Variants in CFAP221 observed in about 807,000 individuals in gnomAD.
CFAP221 encodes cilia and flagella associated protein 221.
In CFAP221, 97 loss-of-function variants were observed where a neutral mutation model predicts 113.1. That is an observed-to-expected ratio of 0.86 (90% CI 0.73 to 1.02). CFAP221 has a LOEUF of 1.02. Among genes scored for constraint, CFAP221 ranks in the 50% least tolerant of loss-of-function variants. The pLI, the probability that CFAP221 is intolerant of heterozygous loss-of-function variation, is 0.00. For missense variants in CFAP221, 1,025 were observed against 1,013.4 expected, an observed-to-expected ratio of 1.01 and a Z score of -0.16; for synonymous variants, 331 against 354.4, an observed-to-expected ratio of 0.93 and a Z score of 0.74.
rs1216434881 is a variant in CFAP221, at chr2:119,652,484, A to G, written c.2414+415A>G. ...TTTCCTCATCTGTAGCATGCAGAAA[A>G]TAAAATCTGTCTGTCACAGGGCAAA... On this transcript the variant is annotated intron_variant, in intron 23 of 23. Coordinates refer to ENST00000413369, the MANE Select transcript of CFAP221 (RefSeq NM_001271049.2). Among the ~76,000 whole-genome samples the G allele has an allele frequency of 2.6e-5, 4 of 152,196 alleles. No individual in the cohort carries two copies. The East Asian group carries it at 5.8e-4, about 22-fold the overall frequency.
intron 14 of CFAP221, 81 bp from the exon 15 acceptor site, chr2:119,625,502 T>G (rs1163249115): frequency 2.5e-6 from 3 of 1,207,774 alleles, no homozygotes; most frequent in Non-Finnish European, 3.6e-6. Flanking sequence ...TTAGTGTGGT[T>G]GGGGAAAGTG....
intron 3 of CFAP221, among the ~76,000 whole-genome samples, 155 bp downstream of exon 3, chr2:119,549,340 G>T (rs1425879194): frequency 6.6e-6 from 1 of 152,174 alleles, no homozygotes; most frequent in Non-Finnish European, 1.5e-5. Context: ...GAAACTTTAA[G>T]GTTGCATCAA....
intron 1 of CFAP221, 62 bp from the exon 2 acceptor site, chr2:119,546,019 CAAAG>C: frequency 1.7e-6 from 2 of 1,189,100 alleles, no homozygotes; most frequent in South Asian, 1.7e-5. Flanking sequence ...GTACATTTAT[CAAAG>C]AAAGAGAAAA....
chr2:119,624,936 G>A (rs1574165474), intron 14 of CFAP221, among the ~76,000 whole-genome samples: 2 of 152,016 alleles, frequency 1.3e-5, no homozygotes, highest in Admixed American at 6.6e-5. Context: ...GGGTTGATGG[G>A]TGTAGCAAAC....
At position 119,601,281 on chromosome 2, in the gene CFAP221, C is replaced by A. The variant is rs1157658208; in HGVS notation, c.695C>A (p.Thr232Asn). The A allele has an allele frequency of 1.4e-5, 21 of 1,535,752 alleles. No individual in the cohort carries two copies. In the South Asian group the frequency reaches 2.3e-4, roughly 17 times the overall value. The change falls in exon 8 of 24, where the codon ACT becomes AAT. Residue 232 changes from threonine (T) to asparagine (N), a missense_variant. Thr to Asn is a moderately conservative substitution (Grantham distance 65). Transcript: ENST00000413369. ...TIKFTPFQYG[T>N]AQIKMQLWIS... ...AAGTTTACACCCTTTCAGTATGGGA[C>A]TGCACAAATAAAAATGCAGTTATGG...
In CFAP221 at chr2:119,546,229, C is replaced by T. The variant is rs756281317; in HGVS notation, c.98C>T (p.Pro33Leu). The T allele has an allele frequency of 1.4e-5, 21 of 1,534,042 alleles. 1 individual carries two copies. In the South Asian group the frequency reaches 1.4e-4, roughly 10 times the overall value. The stretch of plus-strand genomic sequence containing the variant: ...CTCTTGAAGAACCTAGTGGAGGAGC[C>T]GAAAAAAAGAAAAGAAGTACCTAAT... ...PHLLKNLVEE[P>L]KKRKEVPNHL... Residue 33 changes from proline to leucine, a missense_variant, in exon 2 of 24, where the codon CCG (proline) becomes CTG (leucine). Transcript: ENST00000413369.
chr2:119,609,603 G>C (rs1239775884), intron 12 of CFAP221, among the ~76,000 whole-genome samples: 1 of 152,144 alleles, frequency 6.6e-6, no homozygotes, highest in Non-Finnish European at 1.5e-5. Flanking sequence ...GATTAAGACC[G>C]ACTCTCACAG....
At chr2:119,563,976 C>G (rs2104548897) in intron 6 of CFAP221, among the ~76,000 whole-genome samples, 1 of 152,316 alleles carries the variant, frequency 6.6e-6, no homozygotes, top group African/African-American at 2.4e-5. Flanking sequence ...TTTTAATCCA[C>G]TCAGTAGCTG....
intron 8 of CFAP221, among the ~76,000 whole-genome samples, chr2:119,603,231 C>T (rs894463502): frequency 4.6e-5 from 7 of 152,112 alleles, no homozygotes; most frequent in African/African-American, 1.7e-4. Flanking sequence ...TTTTCTTAGA[C>T]CTCTTCATTT....
Position 119,652,053 on chromosome 2 carries a change from G to A in CFAP221, c.2398G>A (p.Asp800Asn), listed in dbSNP as rs202012523. ...KVEFPMLNYK[D>N]IRKEKEVKDQ... ...GGAATTCCCTATGTTGAACTACAAG[G>A]ACATCAGGAAGGAGAAGTAAGTGGA... The change falls in exon 23 of 24, where the codon GAC (aspartate) becomes AAC (asparagine). Residue 800 changes from aspartate (D) to asparagine (N), a missense_variant. By Grantham distance (23) the Asp-to-Asn change is conservative. Transcript: ENST00000413369. The A allele has an allele frequency of 5.0e-6, 8 of 1,611,828 alleles. No homozygotes were observed. In the East Asian group the frequency reaches 1.8e-4, roughly 36 times the overall value.
At chr2:119,566,264 A>T (rs908981186) in intron 6 of CFAP221, among the ~76,000 whole-genome samples, 3 of 152,174 alleles carry the variant, frequency 2.0e-5, no homozygotes, top group African/African-American at 7.2e-5. Flanking sequence ...ATATTAAAGC[A>T]ATCAACTCTA....
chr2:119,615,817 ATAAAATTCACCCTTG>A (rs1685484282), intron 14 of CFAP221, 108 bp downstream of exon 14: 1 of 778,818 alleles, frequency 1.3e-6, no homozygotes, highest in South Asian at 2.1e-5. Flanking sequence ...TTTACACACC[ATAAAATTCACCCTTG>A]TAAAATGTAC....
At chr2:119,550,264 A>G (rs1365546731) in intron 3 of CFAP221, among the ~76,000 whole-genome samples, 2 of 152,222 alleles carry the variant, frequency 1.3e-5, no homozygotes, top group African/African-American at 4.8e-5. Flanking sequence ...AGAAAGTTCT[A>G]TCACGTTCGA....
At position 119,620,073 on chromosome 2, in the gene CFAP221, A is replaced by G. The variant is rs1054729967; in HGVS notation, c.1410+4364A>G. ...ATGAAAAGGAATGAACAAAGCCCCC[A>G]AGAAATGTGGGACTATATGAAAAGA... On this transcript the variant is annotated intron_variant, in intron 14 of 23. Coordinates refer to ENST00000413369, the MANE Select transcript of CFAP221 (RefSeq NM_001271049.2). Among the ~76,000 whole-genome samples, 16 of 152,346 alleles carry G rather than the reference A, an allele frequency of 1.1e-4. No individual in the cohort carries two copies. The East Asian group carries it at 3.1e-3, about 29-fold the overall frequency.
chr2:119,608,475 G>C, intron 11 of CFAP221, 27 bp from the exon 12 acceptor site: 1 of 1,429,500 alleles, frequency 7.0e-7, no homozygotes, highest in Non-Finnish European at 9.3e-7. Context: ...ATGGGTTCTG[G>C]ACACAGTTTT....
Position 119,629,885 on chromosome 2 carries a change from G to T in CFAP221, c.1661G>T (p.Gly554Val), listed in dbSNP as rs756941486. The T allele has an allele frequency of 6.2e-7, 1 of 1,612,712 alleles. No individual in the cohort carries two copies. The highest frequency in any genetic ancestry group is 8.5e-7 in the Non-Finnish European group (1 of 1,178,914). ...CCTTTCACATTTTAGGCTCCTGATG[G>T]CCTTGGACTGGTCCCAATTAAGTCT... Reference protein sequence around the residue: ...PQDSNELAPDGLGLVPIKSSE... With the variant: ...PQDSNELAPDVLGLVPIKSSE... The change falls in exon 17 of 24, where the codon GGC becomes GTC. Residue 554 changes from glycine to valine, a missense_variant. Physicochemically the swap from Gly to Val is moderately radical, Grantham distance 109 (BLOSUM62 -3). Transcript: ENST00000413369.
chr2:119,617,234 G>C (rs1309354672), intron 14 of CFAP221, among the ~76,000 whole-genome samples: 1 of 152,128 alleles, frequency 6.6e-6, no homozygotes, highest in African/African-American at 2.4e-5. Context: ...CACTGCCTTG[G>C]GGACCTACTC....
In CFAP221 at chr2:119,647,088, G is replaced by T. The variant is rs779891039; in HGVS notation, c.2318+38G>T. ...TTTTTAATCTTTGGCCTCTAATGTGGTCTGTTTTCCAAAAATATGTGAGGT... is the reference window on the plus strand; with the variant it reads ...TTTTTAATCTTTGGCCTCTAATGTGTTCTGTTTTCCAAAAATATGTGAGGT... On this transcript the variant is annotated intron_variant, in intron 22 of 23. Transcript: ENST00000413369. The T allele has an allele frequency of 4.0e-5, 62 of 1,545,694 alleles. 2 individuals carry two copies. The South Asian group carries it at 7.1e-4, about 18-fold the overall frequency.
In CFAP221 at chr2:119,615,617, A is replaced by G; in HGVS notation, c.1318A>G (p.Lys440Glu). ...CTATATTTTATATTCACAGAAAATC[A>G]AGGAATTTCATCCTACTTTTGATCC... ...RVVRNQEEKI[K>E]EFHPTFDPLI... Residue 440 changes from lysine (K) to glutamate (E), a missense_variant, in exon 14 of 24, where the codon AAG (lysine) becomes GAG (glutamate). Physicochemically the swap from Lys to Glu is moderately conservative, Grantham distance 56. Coordinates refer to ENST00000413369, the MANE Select transcript of CFAP221 (RefSeq NM_001271049.2). 1 of 1,604,114 alleles carries G rather than the reference A, an allele frequency of 6.2e-7. No individual in the cohort carries two copies. Among genetic ancestry groups the G allele is most frequent in the Non-Finnish European group, 8.5e-7 (1 of 1,174,966 alleles).
Sources: gnomAD v4.1 joint callset for allele counts (sites outside exome capture counted in the v4.1 genomes callset) on GRCh38, gnomAD v4.1.1 for gene constraint, MANE v1.5 for transcripts, NCBI Gene and HGNC (gene_info 2026-07-23, HGNC 2026-07-21) for gene names.